Variants in MEMO1 observed in about 807,000 individuals in gnomAD.
MEMO1 encodes the protein protein MEMO1.
In MEMO1, 6 loss-of-function variants were observed where a neutral mutation model predicts 45.2. The observed-to-expected ratio is 0.13, with a 90% confidence interval of 0.07 to 0.26. MEMO1 has a LOEUF of 0.26. Ranked by LOEUF, MEMO1 falls within the 10% of genes least tolerant of loss-of-function variation. The pLI is 1.00. For missense variants in MEMO1, 184 were observed against 370.5 expected (o/e 0.50, Z 4.13); for synonymous variants, 78 against 124.3 (o/e 0.63, Z 2.48).
In MEMO1 at chr2:31,973,158, A is replaced by T. The variant is rs183119432; in HGVS notation, c.62-29775T>A. ...ATTCCACTCTTAGGTATATATCTAAAAGAATTAAAAACAGGCTGGGCACAG... is the reference window on the plus strand; with the variant it reads ...ATTCCACTCTTAGGTATATATCTAATAGAATTAAAAACAGGCTGGGCACAG... On this transcript the variant is annotated intron_variant, in intron 2 of 9. Coordinates refer to ENST00000404530, the MANE Select transcript of MEMO1 (RefSeq NM_001301833.4). Among the ~76,000 whole-genome samples, 10 of 152,278 alleles carry T rather than the reference A, an allele frequency of 6.6e-5. No individual in the cohort carries two copies. In the East Asian group the frequency reaches 1.9e-3, roughly 29 times the overall value.
intron 2 of MEMO1, among the ~76,000 whole-genome samples, chr2:31,974,514 A>G (rs1298665011): frequency 1.3e-5 from 2 of 152,172 alleles, no homozygotes; most frequent in Non-Finnish European, 2.9e-5. Context: ...TGGGGGGTTG[A>G]GGCAGGTGGA....
intron 8 of MEMO1, among the ~76,000 whole-genome samples, chr2:31,870,751 T>C (rs903344916): frequency 2.0e-5 from 3 of 152,136 alleles, no homozygotes; most frequent in African/African-American, 7.2e-5. Flanking sequence ...CTAATTTTTG[T>C]ATTTTTAGTA....
At chr2:31,878,213 G>A (rs1010444792) in intron 8 of MEMO1, among the ~76,000 whole-genome samples, 2 of 152,096 alleles carry the variant, frequency 1.3e-5, no homozygotes, top group African/African-American at 4.8e-5. Flanking sequence ...TGTGTCCACG[G>A]TAGAGTGAAG....
intron 8 of MEMO1, among the ~76,000 whole-genome samples, chr2:31,876,962 G>A (rs1674659484): frequency 1.3e-5 from 2 of 152,138 alleles, no homozygotes; most frequent in Non-Finnish European, 1.5e-5. Flanking sequence ...ATCTCTTCCA[G>A]CCTCCTTCCA....
At chr2:31,988,953 T>A (rs1439149182) in intron 2 of MEMO1, among the ~76,000 whole-genome samples, 2 of 152,154 alleles carry the variant, frequency 1.3e-5, no homozygotes, top group Admixed American at 6.5e-5. Flanking sequence ...ACGCCTGTAA[T>A]CCCAGCACTT....
intron 2 of MEMO1, among the ~76,000 whole-genome samples, chr2:31,988,070 A>C (rs1369560134): frequency 6.6e-6 from 1 of 152,164 alleles, no homozygotes; most frequent in African/African-American, 2.4e-5. Flanking sequence ...AACCAAGATT[A>C]AGTTGGTAAG....
At chr2:31,954,481 T>C (rs770991328) in intron 2 of MEMO1, among the ~76,000 whole-genome samples, 4 of 152,146 alleles carry the variant, frequency 2.6e-5, no homozygotes, top group Non-Finnish European at 4.4e-5. Context: ...TCATAATTCT[T>C]ACTCCTATAA....
intron 2 of MEMO1, among the ~76,000 whole-genome samples, chr2:31,961,857 A>C (rs1668043774): frequency 6.6e-6 from 1 of 152,128 alleles, no homozygotes; most frequent in South Asian, 2.1e-4. Context: ...TAAATAAACC[A>C]AAAAAATCAA....
At chr2:31,893,354 G>A (rs1004227689) in intron 6 of MEMO1, 4 of 1,148,374 alleles carry the variant, frequency 3.5e-6, no homozygotes, top group Non-Finnish European at 4.4e-6. Flanking sequence ...GAAGCTGGCA[G>A]AGGAAGCTGC....
intron 8 of MEMO1, among the ~76,000 whole-genome samples, chr2:31,872,016 A>ACACAC (rs377508190): frequency 7.0e-6 from 1 of 143,218 alleles, no homozygotes; most frequent in Non-Finnish European, 1.5e-5. Context: ...TCTGTCTCAA[A>ACACAC]ACACACACAC....
chr2:31,919,949 CGTGTGTGTGTGT>C (rs61002743), intron 5 of MEMO1, among the ~76,000 whole-genome samples: 5 of 145,310 alleles, frequency 3.4e-5, no homozygotes, highest in East Asian at 4.1e-4. Context: ...CACACATACA[CGTGTGTGTGTGT>C]GTGTGTGTGT....
intron 2 of MEMO1, among the ~76,000 whole-genome samples, chr2:31,971,121 C>A (rs1057506899): frequency 4.6e-5 from 7 of 152,176 alleles, no homozygotes; most frequent in African/African-American, 1.4e-4. Context: ...TTTTAATTTA[C>A]TCATTGATGC....
chr2:31,992,054 T>G (rs1672012385), intron 2 of MEMO1, among the ~76,000 whole-genome samples: 1 of 152,180 alleles, frequency 6.6e-6, no homozygotes, highest in Non-Finnish European at 1.5e-5. Flanking sequence ...TTTCCAAATT[T>G]TATAAGAATA....
rs544863276 is a variant in MEMO1, at chr2:31,888,269, A to AG, written c.580+3722dup. 9.7e-3 allele frequency among the ~76,000 whole-genome samples: 1,483 copies of AG among 152,150 alleles called. 27 individuals are homozygous for AG. Among genetic ancestry groups the AG allele is most frequent in the South Asian group, 0.048 (233 of 4,824 alleles). ...TCCTGCCTCAGCCTCCCACATAGCTAGGACTATAGGCACAAACTACCATAC... is the reference window on the plus strand; with the variant it reads ...TCCTGCCTCAGCCTCCCACATAGCTAGGGACTATAGGCACAAACTACCATAC... On this transcript the variant is annotated intron_variant, in intron 7 of 9. Transcript: ENST00000404530.
intron 6 of MEMO1, among the ~76,000 whole-genome samples, chr2:31,915,954 T>C (rs529671731): frequency 6.6e-6 from 1 of 152,120 alleles, no homozygotes; most frequent in African/African-American, 2.4e-5. Context: ...ATAACTGACA[T>C]AGGTAATGAG....
intron 6 of MEMO1, among the ~76,000 whole-genome samples, chr2:31,892,495 A>G (rs1175469670): frequency 6.6e-6 from 1 of 152,200 alleles, no homozygotes; most frequent in South Asian, 2.1e-4. Flanking sequence ...GGCTACAGTC[A>G]TCTGCCAAAT....
chr2:31,896,089 C>T (rs568036359), intron 6 of MEMO1, among the ~76,000 whole-genome samples: 71 of 151,850 alleles, frequency 4.7e-4, no homozygotes, highest in Non-Finnish European at 6.3e-4. Flanking sequence ...GTGATCCGCC[C>T]GCCTCAGCCT....
At chr2:31,967,147 G>A (rs1409446698) in intron 2 of MEMO1, among the ~76,000 whole-genome samples, 4 of 149,522 alleles carry the variant, frequency 2.7e-5, no homozygotes, top group Admixed American at 6.7e-5. Flanking sequence ...TTTTGGAGAC[G>A]GAGTCTCGCT....
chr2:32,001,951 T>C (rs1420178179), intron 2 of MEMO1, among the ~76,000 whole-genome samples: 2 of 151,388 alleles, frequency 1.3e-5, no homozygotes, highest in African/African-American at 4.9e-5. Context: ...ATCAAGACCA[T>C]CCTGACCAAC....
Sources: gnomAD v4.1 joint callset for allele counts (sites outside exome capture counted in the v4.1 genomes callset) on GRCh38, gnomAD v4.1.1 for gene constraint, MANE v1.5 for transcripts, NCBI Gene and HGNC (gene_info 2026-07-23, HGNC 2026-07-21) for gene names.